RAB39A: variants seen among roughly 807,000 people sequenced by gnomAD.
The protein encoded by RAB39A is ras-related protein Rab-39A.
RAB39A carries 17 observed loss-of-function variants against 20.9 expected under a neutral mutation model. That is an observed-to-expected ratio of 0.81 (90% CI 0.56 to 1.22). The LOEUF is 1.22. Among genes scored for constraint, RAB39A ranks in the 50% most tolerant of loss-of-function variants. The pLI is 0.00. For missense variants in RAB39A, 234 were observed against 270.5 expected (o/e 0.87, Z 0.95); for synonymous variants, 99 against 103.4 (o/e 0.96, Z 0.26).
chr11:107,933,313 ATGTGTGTGTGTGTGTGTGTG>A (rs60670768), intron 1 of RAB39A, among the ~76,000 whole-genome samples: 2 of 125,344 alleles, frequency 1.6e-5, no homozygotes, highest in Non-Finnish European at 3.2e-5. Context: ...ATATATATAT[ATGTGTGTGTGTGTGTGTGTG>A]TGTGTGTGTG....
chr11:107,946,394 ATATGTG>A lies in RAB39A; in HGVS notation c.228-15550_228-15545del, dbSNP rs1242656217. ...TACACACATATATATGTGGGTGTAT[ATATGTG>A]TGTGTGTGTGTGTGTGTGTGTGTGT... On this transcript the variant is annotated intron_variant, in intron 1 of 1. Transcript: ENST00000320578. Among the ~76,000 whole-genome samples, 50 of 38,438 alleles carry A rather than the reference ATATGTG, an allele frequency of 1.3e-3. 1 individual carries two copies. The highest frequency in any genetic ancestry group is 3.2e-3 in the African/African-American group (35 of 10,864). 25.2% of individuals were successfully genotyped at this position (38,438 alleles called of 152,430 possible). A position where few individuals can be genotyped will look rare whatever the true frequency, so the allele number is the denominator to read the frequency against.
chr11:107,952,280 T>G (rs1861388979), intron 1 of RAB39A, among the ~76,000 whole-genome samples: 1 of 152,212 alleles, frequency 6.6e-6, no homozygotes, highest in Non-Finnish European at 1.5e-5. Flanking sequence ...GACACTGTGC[T>G]AAGTAAAATA....
intron 1 of RAB39A, 123 bp from the exon 2 acceptor site, chr11:107,961,823 T>C: frequency 2.4e-6 from 2 of 822,034 alleles, no homozygotes; most frequent in Non-Finnish European, 3.7e-6. Flanking sequence ...TCATATTTTA[T>C]TTATAAATTC....
chr11:107,958,643 T>C (rs994753207), intron 1 of RAB39A, among the ~76,000 whole-genome samples: 5 of 152,354 alleles, frequency 3.3e-5, no homozygotes, highest in African/African-American at 1.2e-4. Context: ...ATTGAGTCCT[T>C]TTATTCCCAA....
At position 107,943,719 on chromosome 11, in the gene RAB39A, G is replaced by A. The variant is rs189082131; in HGVS notation, c.227+14924G>A. Among the ~76,000 whole-genome samples the A allele has an allele frequency of 1.4e-4, 21 of 152,274 alleles. No homozygotes were observed. The East Asian group carries it at 4.0e-3, about 29-fold the overall frequency. ...AAGGTCCATACAGTCTCTGTACTGG[G>A]TAGAATCCAGGCTACACTGCTATAA... is the stretch of plus-strand genomic sequence containing the variant. On this transcript the variant is annotated intron_variant, in intron 1 of 1. Transcript: ENST00000320578.
chr11:107,957,187 T>C (rs1861445482), intron 1 of RAB39A, among the ~76,000 whole-genome samples: 1 of 152,188 alleles, frequency 6.6e-6, no homozygotes, highest in African/African-American at 2.4e-5. Context: ...TCCAAATGGA[T>C]GTTGAAATCA....
At chr11:107,946,456 A>ATTTTTTT (rs1861317912) in intron 1 of RAB39A, among the ~76,000 whole-genome samples, 1 of 43,550 alleles carries the variant, frequency 2.3e-5, no homozygotes, top group African/African-American at 7.5e-5. Context: ...ATATATATAT[A>ATTTTTTT]TATATTTTTT....
intron 1 of RAB39A, among the ~76,000 whole-genome samples, chr11:107,929,905 A>G (rs967911243): frequency 3.9e-5 from 6 of 152,172 alleles, no homozygotes; most frequent in Non-Finnish European, 7.3e-5. Context: ...TTAAGGAAGC[A>G]TTTTGCGTTA....
In RAB39A at chr11:107,928,910, T is replaced by C. The variant is rs1359779273; in HGVS notation, c.227+115T>C. On this transcript the variant is annotated intron_variant, in intron 1 of 1. Transcript: ENST00000320578. The surrounding 1 kb of genome is among the most constrained non-coding windows in gnomAD (Gnocchi z 4.9). ...CGGGAGAGGCTCTGGCCCTTCCCTC[T>C]CGAAAGTGCAAACACTCCATTCTCG... The C allele has an allele frequency of 2.1e-5, 16 of 770,774 alleles. No homozygotes were observed. In the East Asian group the frequency reaches 4.4e-4, roughly 21 times the overall value. 47.7% of individuals were successfully genotyped at this position (770,774 alleles called of 1,614,324 possible).
At chr11:107,944,101 A>T (rs540748649) in intron 1 of RAB39A, among the ~76,000 whole-genome samples, 75 of 152,222 alleles carry the variant, frequency 4.9e-4, no homozygotes, top group East Asian at 4.3e-3. Flanking sequence ...TCTCAAAAAA[A>T]AAAAAAAATA....
intron 1 of RAB39A, among the ~76,000 whole-genome samples, chr11:107,932,900 G>T (rs1861152422): frequency 6.6e-6 from 1 of 152,008 alleles, no homozygotes; most frequent in Non-Finnish European, 1.5e-5. Flanking sequence ...TAGTAGAAAT[G>T]GGGTTTCAAC....
At chr11:107,935,902 T>TTTG (rs1861189756) in intron 1 of RAB39A, among the ~76,000 whole-genome samples, 1 of 2,880 alleles carries the variant, frequency 3.5e-4, no homozygotes, top group African/African-American at 7.0e-4. Context: ...CCTGGCCACT[T>TTTG]TTTTTTTTTT....
chr11:107,946,396 A>ATGTG (rs71047654), intron 1 of RAB39A, among the ~76,000 whole-genome samples: 413 of 37,546 alleles, frequency 0.011, 3 homozygotes, highest in African/African-American at 0.017. Context: ...GGGTGTATAT[A>ATGTG]TGTGTGTGTG....
chr11:107,942,718 C>T (rs935648258), intron 1 of RAB39A, among the ~76,000 whole-genome samples: 1 of 151,666 alleles, frequency 6.6e-6, no homozygotes, highest in Non-Finnish European at 1.5e-5. Context: ...GTTCTCTGAA[C>T]GTTTTCAGTG....
intron 1 of RAB39A, among the ~76,000 whole-genome samples, chr11:107,958,834 T>C (rs1236480914): frequency 6.6e-6 from 1 of 152,084 alleles, no homozygotes; most frequent in African/African-American, 2.4e-5. Flanking sequence ...AGATAGTATT[T>C]CCTGGCCGGG....
chr11:107,940,115 C>A (rs1315039564), intron 1 of RAB39A, among the ~76,000 whole-genome samples: 16 of 152,068 alleles, frequency 1.1e-4, no homozygotes, highest in Admixed American at 1.1e-3. Context: ...TGTGTCCTGA[C>A]TGATTTGGAG....
chr11:107,946,453 TATATATA>T lies in RAB39A; in HGVS notation c.228-15492_228-15486del, dbSNP rs1171742924. On this transcript the variant is annotated intron_variant, in intron 1 of 1. Transcript: ENST00000320578. ...GTGTGTGTGTATATATATATATATA[TATATATA>T]TTTTTTTTTTTTTTTTTTTTTTTTT... Among the ~76,000 whole-genome samples the T allele has an allele frequency of 1.9e-3, 144 of 75,866 alleles. 2 individuals carry two copies. Among genetic ancestry groups the T allele is most frequent in the East Asian group, 3.2e-3 (10 of 3,082 alleles). The allele number at this position is 75,866 out of a possible 152,430, so 49.8% of individuals were successfully genotyped here.
chr11:107,928,517 C>G lies in RAB39A; in HGVS notation c.-52C>G. ...GTGCTGAAAGGACAGTTCCCGCCGCCGAACTTAGCCCGCGGGTGGGGCGGC... is the reference window on the plus strand; with the variant it reads ...GTGCTGAAAGGACAGTTCCCGCCGCGGAACTTAGCCCGCGGGTGGGGCGGC... On this transcript the variant is annotated 5_prime_UTR_variant, in exon 1 of 2. Coordinates refer to ENST00000320578, the MANE Select transcript of RAB39A (RefSeq NM_017516.3). This position sits in a 1 kb window ranked among gnomAD's most constrained non-coding sequence, Gnocchi z 4.9. 7.4e-7 allele frequency: 1 copy of G among 1,359,148 alleles called. No individual in the cohort carries two copies. The highest frequency in any genetic ancestry group is 9.7e-7 in the Non-Finnish European group (1 of 1,026,748). 84.2% of individuals were successfully genotyped at this position (1,359,148 alleles called of 1,614,324 possible).
chr11:107,946,456 A>T lies in RAB39A; in HGVS notation c.228-15490A>T, dbSNP rs1469111788. ...TGTGTGTATATATATATATATATATATATATTTTTTTTTTTTTTTTTTTTT... is the reference window on the plus strand; with the variant it reads ...TGTGTGTATATATATATATATATATTTATATTTTTTTTTTTTTTTTTTTTT... On this transcript the variant is annotated intron_variant, in intron 1 of 1. Coordinates refer to ENST00000320578, the MANE Select transcript of RAB39A (RefSeq NM_017516.3). 3.9e-3 allele frequency among the ~76,000 whole-genome samples: 170 copies of T among 43,524 alleles called. 12 individuals are homozygous for T. Among genetic ancestry groups the T allele is most frequent in the East Asian group, 6.6e-3 (11 of 1,678 alleles). The allele number at this position is 43,524 out of a possible 152,430, so 28.6% of individuals were successfully genotyped here.
Sources: allele counts gnomAD v4.1 joint callset (sites outside exome capture counted in the v4.1 genomes callset), GRCh38; gene constraint gnomAD v4.1.1; non-coding constraint Gnocchi (gnomAD v3.1); transcripts MANE v1.5; gene names NCBI Gene and HGNC (gene_info 2026-07-23, HGNC 2026-07-21).